COP1: variants seen among roughly 807,000 people sequenced by gnomAD.
COP1 encodes COP1 E3 ubiquitin ligase.
COP1 carries 24 observed loss-of-function variants against 101.3 expected under a neutral mutation model. The ratio of observed to expected loss-of-function variants is 0.24; its 90% CI spans 0.17 to 0.33. The LOEUF is 0.33. Among genes scored for constraint, COP1 ranks in the 10% least tolerant of loss-of-function variants. The pLI is 1.00. For synonymous variants in COP1, 347 were observed against 341.9 expected, an observed-to-expected ratio of 1.01 and a Z score of -0.17; for missense variants, 663 against 906.2, an observed-to-expected ratio of 0.73 and a Z score of 3.45.
chr1:176,200,539 A>T (rs918841761), intron 1 of COP1, among the ~76,000 whole-genome samples: 8 of 152,224 alleles, frequency 5.3e-5, no homozygotes, highest in African/African-American at 1.9e-4. Flanking sequence ...ATTAGGAAAG[A>T]AGGATGGATT....
At chr1:176,124,422 G>A (rs1328781033) in intron 8 of COP1, among the ~76,000 whole-genome samples, 7 of 71,016 alleles carry the variant, frequency 9.9e-5, no homozygotes, top group South Asian at 4.8e-4. Flanking sequence ...CCCCAGCCCC[G>A]TACTACCCCT....
chr1:176,082,095 T>C (rs971278123), intron 10 of COP1, among the ~76,000 whole-genome samples: 5 of 151,856 alleles, frequency 3.3e-5, no homozygotes, highest in East Asian at 2.0e-4. Context: ...AGTCTATTAA[T>C]AGAAGCAGAC....
At chr1:176,001,261 A>G (rs1661525769) in intron 15 of COP1, among the ~76,000 whole-genome samples, 1 of 152,148 alleles carries the variant, frequency 6.6e-6, no homozygotes, top group Non-Finnish European at 1.5e-5. Context: ...AGAAACATCT[A>G]TTTCAAAAAA....
chr1:175,984,449 G>C (rs964211579), intron 18 of COP1, among the ~76,000 whole-genome samples: 2 of 152,226 alleles, frequency 1.3e-5, no homozygotes, highest in Non-Finnish European at 2.9e-5. Flanking sequence ...GAAACGCCTG[G>C]CTATCCAGGC....
At chr1:176,091,957 G>A (rs1282939156) in intron 9 of COP1, among the ~76,000 whole-genome samples, 1 of 151,880 alleles carries the variant, frequency 6.6e-6, no homozygotes, top group African/African-American at 2.4e-5. Context: ...AACTAAAAGA[G>A]AAAAAATAGA....
intron 15 of COP1, among the ~76,000 whole-genome samples, chr1:176,006,696 T>C (rs553016062): frequency 1.3e-5 from 2 of 152,360 alleles, no homozygotes; most frequent in East Asian, 3.9e-4. Context: ...TTCTGGCTTG[T>C]AGGGTTTCTG....
chr1:176,110,879 C>T (rs577875226), intron 9 of COP1, among the ~76,000 whole-genome samples: 11 of 152,264 alleles, frequency 7.2e-5, no homozygotes, highest in South Asian at 2.1e-4. Context: ...ATCAGCAGGG[C>T]GCAGTGGCTC....
chr1:176,114,902 G>A (rs1685918789), intron 9 of COP1, among the ~76,000 whole-genome samples: 1 of 151,994 alleles, frequency 6.6e-6, no homozygotes, highest in South Asian at 2.1e-4. Flanking sequence ...GATTACATAA[G>A]ACAATATCCT....
At chr1:176,187,279 C>T (rs1424887365) in intron 1 of COP1, among the ~76,000 whole-genome samples, 3 of 152,014 alleles carry the variant, frequency 2.0e-5, no homozygotes, top group Admixed American at 1.3e-4. Flanking sequence ...GTGCATATCA[C>T]CACATGTAGC....
At chr1:175,988,223 C>T in intron 17 of COP1, 65 bp downstream of exon 17, 1 of 1,465,656 alleles carries the variant, frequency 6.8e-7, no homozygotes, top group Non-Finnish European at 9.3e-7. Context: ...ATTCTATTTC[C>T]ACTGAGTTCA....
At chr1:176,076,762 G>A (rs1460519152) in intron 11 of COP1, among the ~76,000 whole-genome samples, 1 of 151,934 alleles carries the variant, frequency 6.6e-6, no homozygotes, top group Non-Finnish European at 1.5e-5. Flanking sequence ...ATCAAAATAA[G>A]TGCAATCAGA....
chr1:176,007,980 G>C (rs1455134229), intron 15 of COP1, among the ~76,000 whole-genome samples: 9 of 152,130 alleles, frequency 5.9e-5, no homozygotes, highest in African/African-American at 2.2e-4. Flanking sequence ...AGACTGCTCT[G>C]CTAGCAATCA....
intron 14 of COP1, among the ~76,000 whole-genome samples, chr1:176,041,409 G>A (rs1396660612): frequency 6.7e-6 from 1 of 148,722 alleles, no homozygotes; most frequent in African/African-American, 2.5e-5. Context: ...GTGCAATGGC[G>A]AGACCTGGAA....
chr1:176,206,162 T>C (rs1700825888), intron 1 of COP1, among the ~76,000 whole-genome samples: 1 of 152,174 alleles, frequency 6.6e-6, no homozygotes, highest in East Asian at 1.9e-4. Flanking sequence ...CCTCTCCATT[T>C]GCAAATTTCA....
intron 18 of COP1, among the ~76,000 whole-genome samples, chr1:175,961,850 C>T (rs1393684936): frequency 1.3e-5 from 2 of 149,906 alleles, no homozygotes; most frequent in Admixed American, 6.6e-5. Context: ...TGAAATTTCA[C>T]AGGAGAAAAG....
chr1:175,997,827 G>GA, intron 15 of COP1, among the ~76,000 whole-genome samples: 1 of 152,222 alleles, frequency 6.6e-6, no homozygotes, highest in Admixed American at 6.5e-5. Context: ...CAACCATTGT[G>GA]AAAGTCAGCG....
At chr1:176,173,935 C>A (rs913551285) in intron 3 of COP1, among the ~76,000 whole-genome samples, 4 of 131,224 alleles carry the variant, frequency 3.0e-5, no homozygotes, top group Non-Finnish European at 6.2e-5. Context: ...TGCAGTGAGC[C>A]GAGATCGTGC....
At chr1:175,991,140 G>C (rs1182427872) in intron 15 of COP1, among the ~76,000 whole-genome samples, 1 of 151,982 alleles carries the variant, frequency 6.6e-6, no homozygotes, top group African/African-American at 2.4e-5. Context: ...CTTAACAATG[G>C]AGATACATTC....
chr1:175,948,818 T>C (rs1649493220), intron 18 of COP1, among the ~76,000 whole-genome samples: 1 of 152,142 alleles, frequency 6.6e-6, no homozygotes, highest in South Asian at 2.1e-4. Flanking sequence ...ATGGGAATTG[T>C]TGATCTTTTC....
Sources: allele counts gnomAD v4.1 joint callset (sites outside exome capture counted in the v4.1 genomes callset), GRCh38; gene constraint gnomAD v4.1.1; transcripts MANE v1.5; gene names NCBI Gene and HGNC (gene_info 2026-07-23, HGNC 2026-07-21).